Variants in EPC2 observed in about 807,000 individuals in gnomAD.
The protein encoded by EPC2 is enhancer of polycomb homolog 2.
In EPC2, 14 loss-of-function variants were observed where a neutral mutation model predicts 92.1. That is an observed-to-expected ratio of 0.15 (90% confidence interval 0.10 to 0.24). EPC2 has a LOEUF of 0.24. Ranked by LOEUF, EPC2 falls within the 10% of genes least tolerant of loss-of-function variation. The probability of loss-of-function intolerance (pLI) is 1.00; values close to 1 mark genes in which losing one functional copy is unlikely to be tolerated. For synonymous variants in EPC2, 340 were observed against 334.7 expected (o/e 1.02, Z -0.17); for missense variants, 755 against 971.5 (o/e 0.78, Z 2.96).
chr2:148,690,499 C>A, intron 2 of EPC2, 126 bp downstream of exon 2: 1 of 849,144 alleles, frequency 1.2e-6, no homozygotes, highest in Non-Finnish European at 1.8e-6. Flanking sequence ...ATATGTTAAA[C>A]ATTAAAGAAT....
At chr2:148,777,726 AT>A (rs1168729065) in intron 10 of EPC2, among the ~76,000 whole-genome samples, 1 of 152,174 alleles carries the variant, frequency 6.6e-6, no homozygotes, top group African/African-American at 2.4e-5. Context: ...AAGGCAAAGG[AT>A]GAAATGAGGG....
intron 1 of EPC2, among the ~76,000 whole-genome samples, chr2:148,650,044 T>C (rs1680640267): frequency 6.6e-6 from 1 of 152,194 alleles, no homozygotes; most frequent in Non-Finnish European, 1.5e-5. Context: ...CTTAAGCATA[T>C]AAGAAATTTG....
chr2:148,770,051 T>C (rs1683486161), intron 8 of EPC2, among the ~76,000 whole-genome samples: 1 of 152,186 alleles, frequency 6.6e-6, no homozygotes, highest in South Asian at 2.1e-4. Flanking sequence ...TATTTACTTA[T>C]TTATTTCTTT....
At chr2:148,748,734 G>A (rs1683032336) in intron 3 of EPC2, among the ~76,000 whole-genome samples, 1 of 151,838 alleles carries the variant, frequency 6.6e-6, no homozygotes, top group African/African-American at 2.4e-5. Flanking sequence ...ATGAAACAAA[G>A]TTTTGACTGC....
intron 7 of EPC2, among the ~76,000 whole-genome samples, chr2:148,766,610 A>G (rs78028705): frequency 0.016 from 2,402 of 152,252 alleles, 70 homozygotes; most frequent in African/African-American, 0.055. Context: ...GATAGAAAGT[A>G]TAGGGAAGGG....
chr2:148,709,018 G>A (rs1353145897), intron 2 of EPC2, among the ~76,000 whole-genome samples: 1 of 152,100 alleles, frequency 6.6e-6, no homozygotes, highest in Admixed American at 6.6e-5. Context: ...GAGAAAGAAA[G>A]AAAGGGTATC....
chr2:148,677,635 G>A (rs1681295350), intron 1 of EPC2, among the ~76,000 whole-genome samples: 1 of 152,190 alleles, frequency 6.6e-6, no homozygotes. Context: ...GAATGAAGCC[G>A]TGGACCCTCG....
At chr2:148,701,893 C>T (rs564598967) in intron 2 of EPC2, among the ~76,000 whole-genome samples, 1 of 152,148 alleles carries the variant, frequency 6.6e-6, no homozygotes, top group African/African-American at 2.4e-5. Context: ...TTTGACTCTA[C>T]TTATTATAGA....
intron 11 of EPC2, among the ~76,000 whole-genome samples, 186 bp from the exon 12 acceptor site, chr2:148,783,411 C>T (rs929869937): frequency 6.6e-6 from 1 of 152,160 alleles, no homozygotes; most frequent in African/African-American, 2.4e-5. Flanking sequence ...AATAACTTCT[C>T]AGTTTTTGTT....
chr2:148,682,077 T>G (rs562961772), intron 1 of EPC2, among the ~76,000 whole-genome samples: 2 of 152,370 alleles, frequency 1.3e-5, no homozygotes, highest in East Asian at 3.9e-4. Flanking sequence ...CTGCGTAGTA[T>G]TCTGTGGTGT....
chr2:148,681,476 C>T (rs1423381412), intron 1 of EPC2, among the ~76,000 whole-genome samples: 1 of 152,086 alleles, frequency 6.6e-6, no homozygotes, highest in Admixed American at 6.5e-5. Flanking sequence ...GGCAGTAAGA[C>T]CTTATCAAAA....
At chr2:148,784,086 A>G (rs1483227433) in intron 12 of EPC2, among the ~76,000 whole-genome samples, 1 of 152,228 alleles carries the variant, frequency 6.6e-6, no homozygotes, top group Non-Finnish European at 1.5e-5. Flanking sequence ...TTGATAAAAA[A>G]GTGAAAGATA....
intron 2 of EPC2, among the ~76,000 whole-genome samples, chr2:148,695,550 C>T (rs1681729789): frequency 6.6e-6 from 1 of 152,190 alleles, no homozygotes; most frequent in Non-Finnish European, 1.5e-5. Flanking sequence ...AGATGCTGGC[C>T]TGACATCCAA....
At chr2:148,766,661 G>T (rs1040381197) in intron 7 of EPC2, among the ~76,000 whole-genome samples, 1 of 152,156 alleles carries the variant, frequency 6.6e-6, no homozygotes, top group South Asian at 2.1e-4. Context: ...TAGCAGTTTC[G>T]CATTGCTGGA....
In EPC2 at chr2:148,733,479, A is replaced by ATT. The variant is rs34219179; in HGVS notation, c.314-10108_314-10107dup. On this transcript the variant is annotated intron_variant, in intron 2 of 13. Coordinates refer to ENST00000258484, the MANE Select transcript of EPC2 (RefSeq NM_015630.4). ...CTTTCTCTTTTCTTTCTCTCTCTGG[A>ATT]TTTTTTTTTTTTTTTTTTTTTTTTT... 4.2e-3 allele frequency among the ~76,000 whole-genome samples: 111 copies of ATT among 26,676 alleles called. 41 individuals carry two copies. The highest frequency in any genetic ancestry group is 5.1e-3 in the Non-Finnish European group (71 of 13,940). 17.5% of individuals were successfully genotyped at this position (26,676 alleles called of 152,430 possible). A position where few individuals can be genotyped will look rare whatever the true frequency, so the allele number is the denominator to read the frequency against.
chr2:148,658,179 C>G lies in EPC2; in HGVS notation c.153+13009C>G, dbSNP rs1680845576. Among the ~76,000 whole-genome samples the G allele has an allele frequency of 2.0e-5, 3 of 152,152 alleles. No individual in the cohort carries two copies. The South Asian group carries it at 6.2e-4, about 32-fold the overall frequency. On this transcript the variant is annotated intron_variant, in intron 1 of 13. Transcript: ENST00000258484. ...TTAAAATACATTGTTGATTCATTGA[C>G]ATTGAACTCACAGCCGGCAGCATTG...
intron 2 of EPC2, among the ~76,000 whole-genome samples, chr2:148,738,084 C>G (rs534814629): frequency 6.6e-6 from 1 of 152,180 alleles, no homozygotes; most frequent in African/African-American, 2.4e-5. Flanking sequence ...TGATGGTTCT[C>G]ACTTTGTTTC....
chr2:148,725,878 TTAAC>T (rs1262455864), intron 2 of EPC2, among the ~76,000 whole-genome samples: 2 of 152,278 alleles, frequency 1.3e-5, no homozygotes, highest in African/African-American at 2.4e-5. Context: ...GGTATATAGT[TTAAC>T]TATGTCACAT....
At chr2:148,785,048 C>T (rs748619145) in intron 13 of EPC2, 47 bp downstream of exon 13, 6 of 1,428,170 alleles carry the variant, frequency 4.2e-6, no homozygotes, top group Non-Finnish European at 5.5e-6. Context: ...TGCTGGCTGT[C>T]CTGTGGGAAG....
Sources: gnomAD v4.1 joint callset for allele counts (sites outside exome capture counted in the v4.1 genomes callset) on GRCh38, gnomAD v4.1.1 for gene constraint, MANE v1.5 for transcripts, NCBI Gene and HGNC (gene_info 2026-07-23, HGNC 2026-07-21) for gene names.